Variants in WDR75 observed in about 807,000 individuals in gnomAD.
The protein encoded by WDR75 is WD repeat-containing protein 75.
Under a neutral mutation model 106.1 loss-of-function variants are expected in WDR75, and 52 were observed. The ratio of observed to expected loss-of-function variants is 0.49; its 90% confidence interval spans 0.39 to 0.62. The LOEUF (loss-of-function observed/expected upper bound fraction) is 0.62, where lower values mean the gene tolerates loss of function less well. Ranked by LOEUF, WDR75 falls within the 20% of genes least tolerant of loss-of-function variation. The probability of loss-of-function intolerance (pLI) is 0.00; values close to 1 mark genes in which losing one functional copy is unlikely to be tolerated. For missense variants in WDR75, 905 were observed against 970.3 expected (o/e 0.93, Z 0.89); for synonymous variants, 333 against 335.5 (o/e 0.99, Z 0.08).
rs563458384 is a variant in WDR75, at chr2:189,472,394, G to A, written c.2049+1516G>A. ...GTTTTGAGTAGAGAACTAAGGAGGA[G>A]CTAATTACTTCTTTCTCTATTCTTT... On this transcript the variant is annotated intron_variant, in intron 18 of 20. Coordinates refer to ENST00000314761, the MANE Select transcript of WDR75 (RefSeq NM_032168.3). Among the ~76,000 whole-genome samples, 4 of 152,258 alleles carry A rather than the reference G, an allele frequency of 2.6e-5. No individual in the cohort carries two copies. In the East Asian group the frequency reaches 7.7e-4, roughly 29 times the overall value.
chr2:189,449,726 C>G, intron 2 of WDR75: 3 of 987,984 alleles, frequency 3.0e-6, no homozygotes, highest in Non-Finnish European at 3.6e-6. Flanking sequence ...TTACATTTTA[C>G]TAGTCCATAT....
chr2:189,465,060 G>T lies in WDR75; in HGVS notation c.1114-19G>T. ...ATGTTAATAAACATTTTGGTTTTTT[G>T]GTTTTTTTTACTCATCAGTTAGATA... On this transcript the variant is annotated intron_variant, in intron 11 of 20. Transcript: ENST00000314761. 1.3e-6 allele frequency: 2 copies of T among 1,535,248 alleles called. No individual in the cohort carries two copies. The highest frequency in any genetic ancestry group is 1.8e-6 in the Non-Finnish European group (2 of 1,138,844).
intron 20 of WDR75, 90 bp downstream of exon 20, chr2:189,474,898 T>C (rs1687182820): frequency 2.0e-6 from 2 of 984,346 alleles, no homozygotes; most frequent in Non-Finnish European, 3.1e-6. Flanking sequence ...TCTTCCACTG[T>C]ATTTCTTTTT....
At chr2:189,459,214 C>G in intron 7 of WDR75, 122 bp from the exon 8 acceptor site, 1 of 723,910 alleles carries the variant, frequency 1.4e-6, no homozygotes, top group South Asian at 2.1e-5. Context: ...ACATTAAGAC[C>G]AGAAGCCTTT....
In WDR75 at chr2:189,457,210, CA is replaced by C. The variant is rs1686756589; in HGVS notation, c.499-100del. 6 of 774,374 alleles carry C rather than the reference CA, an allele frequency of 7.7e-6. No homozygotes were observed. The South Asian group carries it at 9.4e-5, about 12-fold the overall frequency. The allele number at this position is 774,374 out of a possible 1,614,324, so 48.0% of individuals were successfully genotyped here. ...GAGCCGAGATCGCACCATCACATTC[CA>C]GCCTGGGGGACAAGAGCGAGACTTT... On this transcript the variant is annotated intron_variant, in intron 5 of 20. Transcript: ENST00000314761.
At chr2:189,459,202 G>A in intron 7 of WDR75, 134 bp from the exon 8 acceptor site, 3 of 662,106 alleles carry the variant, frequency 4.5e-6, no homozygotes. Context: ...TAGAAAATGT[G>A]CACATTAAGA....
At chr2:189,474,959 G>A in intron 20 of WDR75, 151 bp downstream of exon 20, 1 of 759,694 alleles carries the variant, frequency 1.3e-6, no homozygotes, top group Non-Finnish European at 2.1e-6. Flanking sequence ...ATTAAGTCAA[G>A]TAACATACAT....
In WDR75 at chr2:189,463,741, G is replaced by A. The variant is rs1210309507; in HGVS notation, c.985G>A (p.Gly329Ser). Residue 329 changes from glycine to serine, a missense_variant, in exon 10 of 21, where the codon GGC (glycine) becomes AGC (serine). Physicochemically the swap from Gly to Ser is moderately conservative, Grantham distance 56. Transcript: ENST00000314761. ...CCTTGAAGCATCCGCAGTAATTCAAGGCCTAGTGAAAGGTATTGCAGAACT... is the reference window on the plus strand; with the variant it reads ...CCTTGAAGCATCCGCAGTAATTCAAAGCCTAGTGAAAGGTATTGCAGAACT... ...RNLEASAVIQ[G>S]LVKDRSIFTG... 7 of 1,613,474 alleles carry A rather than the reference G, an allele frequency of 4.3e-6. No individual in the cohort carries two copies. The highest frequency in any genetic ancestry group is 5.9e-6 in the Non-Finnish European group (7 of 1,179,744).
chr2:189,450,161 T>C, intron 2 of WDR75: 1 of 971,828 alleles, frequency 1.0e-6, no homozygotes, highest in Non-Finnish European at 1.2e-6. Flanking sequence ...TATTATAATT[T>C]CTATTGTATT....
chr2:189,441,729 AC>A (rs1686370887), intron 1 of WDR75, 151 bp downstream of exon 1: 8 of 849,594 alleles, frequency 9.4e-6, no homozygotes, highest in Middle Eastern at 5.5e-4. Flanking sequence ...TCCCCAGGGT[AC>A]CTGGGAGGTC....
chr2:189,446,885 GT>G (rs963492327), intron 1 of WDR75, among the ~76,000 whole-genome samples: 4 of 152,148 alleles, frequency 2.6e-5, no homozygotes, highest in African/African-American at 7.2e-5. Flanking sequence ...CCATTATTAA[GT>G]AAAATAAGGG....
At chr2:189,444,337 A>G (rs1004682882) in intron 1 of WDR75, among the ~76,000 whole-genome samples, 2 of 152,118 alleles carry the variant, frequency 1.3e-5, no homozygotes, top group Admixed American at 1.3e-4. Context: ...CTAGAACAAA[A>G]ACTCTGTTCT....
intron 2 of WDR75, chr2:189,449,994 A>G (rs901632327): frequency 2.0e-6 from 2 of 985,276 alleles, no homozygotes; most frequent in Admixed American, 1.2e-4. Context: ...AACTAAGTAC[A>G]CTGGGACAAA....
chr2:189,447,913 A>G (rs907593515), intron 1 of WDR75, among the ~76,000 whole-genome samples: 1 of 152,192 alleles, frequency 6.6e-6, no homozygotes, highest in African/African-American at 2.4e-5. Context: ...TGTAGCTCCC[A>G]TAATTTCCAC....
chr2:189,448,621 T>C, intron 2 of WDR75, 113 bp downstream of exon 2: 3 of 1,396,848 alleles, frequency 2.1e-6, no homozygotes, highest in Non-Finnish European at 3.0e-6. Flanking sequence ...TATTTGCTTA[T>C]TTTCAGTTGT....
chr2:189,468,533 G>T lies in WDR75; in HGVS notation c.1687G>T (p.Gly563Cys), dbSNP rs1327855947. The change falls in exon 15 of 21, where the codon GGC becomes TGC. Residue 563 changes from glycine (G) to cysteine (C), a missense_variant. Physicochemically the swap from Gly to Cys is radical, Grantham distance 159 (BLOSUM62 -3). Transcript: ENST00000314761. ...SKYLLGATEN[G>C]ILCCWNLLSC... ...GTATCTACTTGGTGCTACTGAAAATGGCATTCTTTGCTGTTGGAATCTGCT... is the reference window on the plus strand; with the variant it reads ...GTATCTACTTGGTGCTACTGAAAATTGCATTCTTTGCTGTTGGAATCTGCT... 2 of 1,613,298 alleles carry T rather than the reference G, an allele frequency of 1.2e-6. No homozygotes were observed. Among genetic ancestry groups the T allele is most frequent in the South Asian group, 2.2e-5 (2 of 91,058 alleles).
At chr2:189,461,068 G>A (rs1686872211) in intron 8 of WDR75, among the ~76,000 whole-genome samples, 1 of 152,130 alleles carries the variant, frequency 6.6e-6, no homozygotes, top group Non-Finnish European at 1.5e-5. Flanking sequence ...TCTTAATTTT[G>A]TTTGTGTACA....
At chr2:189,470,726 A>G (rs2105573914) in intron 17 of WDR75, 93 bp from the exon 18 acceptor site, 1 of 846,876 alleles carries the variant, frequency 1.2e-6, no homozygotes, top group African/African-American at 1.8e-5. Context: ...AAAGTGAAAA[A>G]TTTGACCTTC....
intron 2 of WDR75, 127 bp from the exon 3 acceptor site, chr2:189,450,776 C>G: frequency 6.8e-7 from 1 of 1,476,766 alleles, no homozygotes; most frequent in Non-Finnish European, 8.9e-7. Context: ...ATAAATGACT[C>G]TACCTCTTTA....
Sources: gnomAD v4.1 joint callset for allele counts (sites outside exome capture counted in the v4.1 genomes callset) on GRCh38, gnomAD v4.1.1 for gene constraint, MANE v1.5 for transcripts, NCBI Gene and HGNC (gene_info 2026-07-23, HGNC 2026-07-21) for gene names.